The following POU2F3 variants were observed in gnomAD, a reference collection of about 807,000 sequenced individuals.
POU2F3 encodes the protein POU domain, class 2, transcription factor 3.
POU2F3 carries 23 observed loss-of-function variants against 59.2 expected under a neutral mutation model. The observed-to-expected ratio is 0.39, with a 90% confidence interval of 0.28 to 0.55. The LOEUF (loss-of-function observed/expected upper bound fraction) is 0.55, where lower values mean the gene tolerates loss of function less well. Ranked by LOEUF, POU2F3 falls within the 20% of genes least tolerant of loss-of-function variation. The pLI is 0.66. For missense variants in POU2F3, 473 were observed against 544.5 expected (o/e 0.87, Z 1.31); for synonymous variants, 190 against 214.6 (o/e 0.89, Z 1.00).
At chr11:120,258,069 C>T (rs191197809) in intron 2 of POU2F3, among the ~76,000 whole-genome samples, 1 of 152,220 alleles carries the variant, frequency 6.6e-6, no homozygotes, top group East Asian at 1.9e-4. Flanking sequence ...TGTGAGATAG[C>T]ATCTCTAGGT....
intron 5 of POU2F3, chr11:120,301,699 A>G (rs976849784): frequency 1.3e-5 from 2 of 152,830 alleles, no homozygotes; most frequent in Non-Finnish European, 2.9e-5. Context: ...GAGTTTCCAG[A>G]GGCTCAGCCC....
intron 7 of POU2F3, 191 bp from the exon 8 acceptor site, chr11:120,305,453 C>A: frequency 9.9e-7 from 1 of 1,014,378 alleles, no homozygotes. Context: ...GCGTGGTCCA[C>A]TGAGAGTCTA....
intron 3 of POU2F3, among the ~76,000 whole-genome samples, chr11:120,271,527 C>T (rs1940073591): frequency 6.6e-6 from 1 of 152,216 alleles, no homozygotes. Context: ...GGCCCCAGCC[C>T]CTTGGGACAA....
At chr11:120,295,818 C>A (rs1165536159) in intron 3 of POU2F3, among the ~76,000 whole-genome samples, 1 of 152,164 alleles carries the variant, frequency 6.6e-6, no homozygotes, top group African/African-American at 2.4e-5. Flanking sequence ...TCTCTACCCC[C>A]ACAGTGCTAT....
At chr11:120,251,793 CTT>C (rs547326332) in intron 2 of POU2F3, among the ~76,000 whole-genome samples, 12 of 125,226 alleles carry the variant, frequency 9.6e-5, no homozygotes, top group Admixed American at 1.6e-4. Context: ...TCTTGGCTGC[CTT>C]TTTTTTTTTT....
At chr11:120,310,780 G>A (rs556025443) in intron 10 of POU2F3, among the ~76,000 whole-genome samples, 12 of 152,142 alleles carry the variant, frequency 7.9e-5, no homozygotes, top group Non-Finnish European at 1.5e-4. Context: ...ACCAGCTACC[G>A]ACTACCTTCT....
intron 5 of POU2F3, 65 bp downstream of exon 5, chr11:120,299,791 T>A (rs1311312022): frequency 1.4e-6 from 2 of 1,441,522 alleles, no homozygotes; most frequent in Non-Finnish European, 1.9e-6. Context: ...CTGCTGTTTT[T>A]TGCTGGGTGA....
chr11:120,291,190 G>T (rs530289308), intron 3 of POU2F3, among the ~76,000 whole-genome samples: 2 of 152,358 alleles, frequency 1.3e-5, no homozygotes, highest in South Asian at 2.1e-4. Context: ...CTAAATCTCA[G>T]TAGGGGAACA....
chr11:120,268,915 C>T (rs1939947185), intron 2 of POU2F3, among the ~76,000 whole-genome samples: 1 of 152,150 alleles, frequency 6.6e-6, no homozygotes, highest in South Asian at 2.1e-4. Flanking sequence ...GTGGAGTGAG[C>T]TCTCCAGTTG....
chr11:120,236,638 A>C (rs1019558530), upstream of POU2F3: 16 of 1,461,004 alleles, frequency 1.1e-5, no homozygotes, highest in Admixed American at 2.6e-4. Context: ...TTTCCTCTCT[A>C]TCTCACTCCA....
At chr11:120,288,054 GA>G (rs200524891) in intron 3 of POU2F3, among the ~76,000 whole-genome samples, 1 of 98,758 alleles carries the variant, frequency 1.0e-5, no homozygotes, top group Non-Finnish European at 2.1e-5. Flanking sequence ...GAGAAAGGAA[GA>G]AAAAAAAACT....
Position 120,302,350 on chromosome 11 carries a change from G to T in POU2F3, c.426G>T (p.Gly142=), listed in dbSNP as rs778237880. ...GCGGTCTCCTCCTCCCACAGACTGG[G>T]CCGGGACTGGCATCCCAGGTAAACA... ...QQSGLLLPQT[G]PGLASQAFGH... is the part of the protein sequence containing the mutation. The change falls in exon 6 of 13, where the codon GGG becomes GGT. Residue 142 remains glycine (G), a synonymous_variant. Coordinates refer to ENST00000543440, the MANE Select transcript of POU2F3 (RefSeq NM_014352.4). The T allele has an allele frequency of 1.2e-6, 2 of 1,609,454 alleles. No individual in the cohort carries two copies. The highest frequency in any genetic ancestry group is 3.3e-5 in the Admixed American group (2 of 59,972).
At chr11:120,254,563 G>A (rs1939255162) in intron 2 of POU2F3, among the ~76,000 whole-genome samples, 1 of 152,226 alleles carries the variant, frequency 6.6e-6, no homozygotes, top group African/African-American at 2.4e-5. Flanking sequence ...AGGTGAAGAA[G>A]TGGAAAGGGG....
chr11:120,306,762 G>C (rs898135764), intron 8 of POU2F3, among the ~76,000 whole-genome samples: 1 of 152,190 alleles, frequency 6.6e-6, no homozygotes, highest in African/African-American at 2.4e-5. Context: ...TTACTCATAC[G>C]GAAGGGCCTC....
At chr11:120,243,256 C>G (rs924173585) in intron 1 of POU2F3, among the ~76,000 whole-genome samples, 1 of 152,076 alleles carries the variant, frequency 6.6e-6, no homozygotes, top group Non-Finnish European at 1.5e-5. Context: ...GAGGGAGCTC[C>G]CGTCCTTCCA....
intron 2 of POU2F3, among the ~76,000 whole-genome samples, chr11:120,252,348 A>G (rs1467733641): frequency 6.6e-6 from 1 of 151,412 alleles, no homozygotes. Context: ...CTGGGATTAC[A>G]GGCCCACCAC....
intron 3 of POU2F3, among the ~76,000 whole-genome samples, chr11:120,275,651 G>T (rs4938793): frequency 0.3 from 45,481 of 152,030 alleles, 8,691 homozygotes; most frequent in African/African-American, 0.53. Context: ...GAGGCCAGAA[G>T]AGAGTCTGAA....
rs1196642523 is a variant in POU2F3 at position 120,305,155 on chromosome 11, G to A, written c.570G>A (p.Glu190=). 3 of 1,613,860 alleles carry A rather than the reference G, an allele frequency of 1.9e-6. No individual in the cohort carries two copies. Among genetic ancestry groups the A allele is most frequent in the Non-Finnish European group, 2.5e-6 (3 of 1,179,952 alleles). The change falls in exon 7 of 13, where the codon GAG becomes GAA. Residue 190 remains glutamate (E), a synonymous_variant. Transcript: ENST00000543440. The part of the protein sequence containing the change: ...GGADEPSDLE[E]LEKFAKTFKQ... Reference sequence around the variant, plus strand: ...CCGATGAGCCCAGTGACCTCGAGGAGCTGGAGAAGTTTGCCAAGACCTTCA... The same window carrying A: ...CCGATGAGCCCAGTGACCTCGAGGAACTGGAGAAGTTTGCCAAGACCTTCA...
rs1252353241 is a variant in POU2F3 at position 120,293,218 on chromosome 11, A to G, written c.133-5047A>G. ...TATATAGTAGGTTTGATTAGAGTCC[A>G]GGGGCTGGATGAGGTCATCTCCCCA... On this transcript the variant is annotated intron_variant, in intron 3 of 12. Coordinates refer to ENST00000543440, the MANE Select transcript of POU2F3 (RefSeq NM_014352.4). Among the ~76,000 whole-genome samples the G allele has an allele frequency of 2.6e-5, 4 of 152,296 alleles. No individual in the cohort carries two copies. In the South Asian group the frequency reaches 6.2e-4, roughly 24 times the overall value.
Sources: allele counts gnomAD v4.1 joint callset (sites outside exome capture counted in the v4.1 genomes callset), GRCh38; gene constraint gnomAD v4.1.1; transcripts MANE v1.5; gene names NCBI Gene and HGNC (gene_info 2026-07-23, HGNC 2026-07-21).